Variants in SETX observed in about 807,000 individuals in gnomAD.
SETX encodes senataxin.
Under a neutral mutation model 227.2 loss-of-function variants are expected in SETX, and 90 were observed. The observed-to-expected ratio is 0.40, with a 90% confidence interval of 0.33 to 0.47. The LOEUF (loss-of-function observed/expected upper bound fraction) is 0.47, where lower values mean the gene tolerates loss of function less well. SETX is among the 20% of genes least tolerant of loss of function. The probability of loss-of-function intolerance (pLI) is 0.91; values close to 1 mark genes in which losing one functional copy is unlikely to be tolerated. For missense variants in SETX, 3,052 were observed against 3,181.5 expected (o/e 0.96, Z 0.98); for synonymous variants, 1,210 against 1,113.2 (o/e 1.09, Z -1.73).
chr9:132,288,655 T>G lies in SETX; in HGVS notation c.6107-4A>C. On this transcript the variant is annotated splice_polypyrimidine_tract_variant and splice_region_variant and intron_variant, in intron 15 of 25. Coordinates refer to ENST00000224140, the MANE Select transcript of SETX (RefSeq NM_015046.7). Reference sequence around the variant, plus strand: ...AAATTTATATCTCCACAGTTTCCTGTTGATAAGAATCACAGTTAAGGACTA... The same window carrying G: ...AAATTTATATCTCCACAGTTTCCTGGTGATAAGAATCACAGTTAAGGACTA... 1.3e-6 allele frequency: 2 copies of G among 1,594,754 alleles called. No individual in the cohort carries two copies. Among genetic ancestry groups the G allele is most frequent in the Admixed American group, 1.7e-5 (1 of 59,996 alleles).
chr9:132,320,731 G>A (rs1846273471), intron 10 of SETX, among the ~76,000 whole-genome samples: 1 of 151,768 alleles, frequency 6.6e-6, no homozygotes, highest in African/African-American at 2.4e-5. Context: ...CTTCAAAGTA[G>A]ATTGAACACA....
chr9:132,351,874 G>A (rs1848622689), intron 2 of SETX, among the ~76,000 whole-genome samples: 1 of 152,114 alleles, frequency 6.6e-6, no homozygotes, highest in African/African-American at 2.4e-5. Flanking sequence ...CAATACTCAA[G>A]TTGCAAAACC....
At chr9:132,296,570 AAAC>A (rs1564501840) in intron 14 of SETX, among the ~76,000 whole-genome samples, 3 of 152,016 alleles carry the variant, frequency 2.0e-5, no homozygotes, top group Non-Finnish European at 4.4e-5. Context: ...CAAAAAAAAA[AAAC>A]AAAAAACCAC....
At chr9:132,343,828 G>A (rs1455862072) in intron 4 of SETX, among the ~76,000 whole-genome samples, 1 of 152,116 alleles carries the variant, frequency 6.6e-6, no homozygotes, top group Non-Finnish European at 1.5e-5. Context: ...AGAAGTCTTA[G>A]AATTTTCAAA....
intron 10 of SETX, among the ~76,000 whole-genome samples, chr9:132,322,947 A>C (rs1257766415): frequency 6.6e-6 from 1 of 152,226 alleles, no homozygotes; most frequent in African/African-American, 2.4e-5. Context: ...AAAAGGATTC[A>C]ACGGACTTAG....
intron 7 of SETX, 54 bp downstream of exon 7, chr9:132,334,554 A>G (rs1847468686): frequency 6.3e-7 from 1 of 1,599,744 alleles, no homozygotes; most frequent in Non-Finnish European, 8.6e-7. Flanking sequence ...TATCATTTTT[A>G]AAGTGCATCA....
chr9:132,307,431 T>C lies in SETX; in HGVS notation c.5374+4326A>G, dbSNP rs573375182. ...AGATGTATTACCCACTAACAGCATA[T>C]AGCATGCCCAGATTGGTGTTGAAAT... is the stretch of plus-strand genomic sequence containing the variant. On this transcript the variant is annotated intron_variant, in intron 11 of 25. Coordinates refer to ENST00000224140, the MANE Select transcript of SETX (RefSeq NM_015046.7). Among the ~76,000 whole-genome samples the C allele has an allele frequency of 3.5e-4, 53 of 152,204 alleles. 1 individual carries two copies. The highest frequency in any genetic ancestry group is 1.1e-3 in the African/African-American group (47 of 41,550).
At chr9:132,315,333 C>T (rs1347358424) in intron 10 of SETX, among the ~76,000 whole-genome samples, 2 of 152,152 alleles carry the variant, frequency 1.3e-5, no homozygotes, top group African/African-American at 4.8e-5. Flanking sequence ...AACACAAACC[C>T]CAAAACAGAC....
At chr9:132,341,379 C>A (rs1456364571) in intron 5 of SETX, among the ~76,000 whole-genome samples, 1 of 152,176 alleles carries the variant, frequency 6.6e-6, no homozygotes, top group Non-Finnish European at 1.5e-5. Flanking sequence ...AGAGCATGCG[C>A]TTTCCTCGTG....
chr9:132,284,467 A>C lies in SETX; in HGVS notation c.6397-1054T>G, dbSNP rs555106814. Among the ~76,000 whole-genome samples the C allele has an allele frequency of 3.5e-4, 54 of 152,326 alleles. 1 individual carries two copies. Among genetic ancestry groups the C allele is most frequent in the African/African-American group, 1.2e-3 (48 of 41,568 alleles). ...CATTCAGGAGGAAACTTCAGCAAAAATACTACTAACGTCATCAGTTACTAT... is the reference window on the plus strand; with the variant it reads ...CATTCAGGAGGAAACTTCAGCAAAACTACTACTAACGTCATCAGTTACTAT... On this transcript the variant is annotated intron_variant, in intron 18 of 25. Transcript: ENST00000224140.
At chr9:132,297,721 T>C (rs1015816856) in intron 13 of SETX, among the ~76,000 whole-genome samples, 4 of 152,238 alleles carry the variant, frequency 2.6e-5, no homozygotes, top group Non-Finnish European at 5.9e-5. Flanking sequence ...CATGTTCAGT[T>C]GACAACTTCA....
Position 132,264,330 on chromosome 9 carries a change from G to A in SETX, c.7943C>T (p.Ser2648Phe), listed in dbSNP as rs1014113627. ...FSEGEQEKCG[S>F]ETHHTRRNSR... ...GTTCCTCCTGGTGTGATGGGTCTCG[G>A]AACCACACTTCTCCTGCTCCCCTTC... The change falls in exon 26 of 26, where the codon TCC (serine) becomes TTC (phenylalanine). Residue 2648 changes from serine (S) to phenylalanine (F), a missense_variant. Physicochemically the swap from Ser to Phe is radical, Grantham distance 155. This residue lies in a region of SETX where 294 missense variants were observed against 278.8 expected (regional missense o/e 1.05). Coordinates refer to ENST00000224140, the MANE Select transcript of SETX (RefSeq NM_015046.7). 2 of 1,614,126 alleles carry A rather than the reference G, an allele frequency of 1.2e-6. No individual in the cohort carries two copies. Among genetic ancestry groups the A allele is most frequent in the Non-Finnish European group, 1.7e-6 (2 of 1,180,022 alleles).
intron 8 of SETX, 63 bp downstream of exon 8, chr9:132,331,214 A>G: frequency 6.2e-7 from 1 of 1,608,902 alleles, no homozygotes; most frequent in South Asian, 1.1e-5. Flanking sequence ...TTGTTAAGTA[A>G]TCTAGCTGGA....
At chr9:132,267,851 T>G (rs1360955590) in intron 25 of SETX, among the ~76,000 whole-genome samples, 2 of 152,192 alleles carry the variant, frequency 1.3e-5, no homozygotes, top group African/African-American at 4.8e-5. Flanking sequence ...TTCACAATCA[T>G]GATGCGCCTC....
intron 10 of SETX, among the ~76,000 whole-genome samples, chr9:132,321,108 C>T (rs568528064): frequency 6.6e-6 from 1 of 152,358 alleles, no homozygotes; most frequent in East Asian, 1.9e-4. Context: ...TCCTCCGTCC[C>T]CCACTCCTAC....
At chr9:132,268,701 T>A (rs1842761063) in intron 25 of SETX, among the ~76,000 whole-genome samples, 1 of 152,234 alleles carries the variant, frequency 6.6e-6, no homozygotes, top group Non-Finnish European at 1.5e-5. Context: ...ATAATTTTAA[T>A]TGCTGTATTT....
At chr9:132,339,025 A>G (rs775909781) in intron 5 of SETX, among the ~76,000 whole-genome samples, 23 of 152,340 alleles carry the variant, frequency 1.5e-4, no homozygotes, top group Middle Eastern at 6.8e-3. Context: ...GGCTTCCCAA[A>G]GGCCTGGGCT....
chr9:132,283,562 T>C, intron 18 of SETX, 149 bp from the exon 19 acceptor site: 2 of 932,212 alleles, frequency 2.1e-6, no homozygotes, highest in Non-Finnish European at 3.3e-6. Context: ...CCCTCAAATC[T>C]AGGAAACAGC....
intron 11 of SETX, among the ~76,000 whole-genome samples, chr9:132,307,921 T>C (rs965986214): frequency 3.3e-5 from 5 of 152,230 alleles, no homozygotes; most frequent in African/African-American, 1.2e-4. Flanking sequence ...TCAGGTGATC[T>C]GCCCCTCGGC....
Sources: allele counts gnomAD v4.1 joint callset (sites outside exome capture counted in the v4.1 genomes callset), GRCh38; gene constraint gnomAD v4.1.1; regional missense constraint gnomAD v4.1.1; transcripts MANE v1.5; gene names NCBI Gene and HGNC (gene_info 2026-07-23, HGNC 2026-07-21).